OSBPL6: variants seen among roughly 807,000 people sequenced by gnomAD.
OSBPL6 encodes the protein oxysterol binding protein like 6, also known as oxysterol-binding protein-related protein 6.
In OSBPL6, 49 loss-of-function variants were observed where a neutral mutation model predicts 125.8. That is an observed-to-expected ratio of 0.39 (90% confidence interval 0.31 to 0.49). The LOEUF is 0.49. OSBPL6 is among the 20% of genes least tolerant of loss of function. OSBPL6 has a pLI of 0.88. For missense variants in OSBPL6, 986 were observed against 1,135.4 expected (o/e 0.87, Z 1.89); for synonymous variants, 394 against 391.8 (o/e 1.01, Z -0.07).
chr2:178,305,131 T>C (rs1271474819), intron 2 of OSBPL6, among the ~76,000 whole-genome samples: 2 of 152,236 alleles, frequency 1.3e-5, no homozygotes, highest in African/African-American at 4.8e-5. Flanking sequence ...CAAGAAGATA[T>C]TAGCATTAAG....
chr2:178,387,949 A>G (rs1695086732), intron 20 of OSBPL6, among the ~76,000 whole-genome samples: 1 of 152,026 alleles, frequency 6.6e-6, no homozygotes, highest in Non-Finnish European at 1.5e-5. Flanking sequence ...GATTGCAGTG[A>G]GCCGAGATTG....
chr2:178,319,055 A>G (rs894868300), intron 3 of OSBPL6, among the ~76,000 whole-genome samples: 2 of 152,158 alleles, frequency 1.3e-5, no homozygotes, highest in African/African-American at 4.8e-5. Flanking sequence ...GAAAGAGGTT[A>G]ATGGTTTGTC....
intron 1 of OSBPL6, among the ~76,000 whole-genome samples, chr2:178,203,560 G>C (rs548243307): frequency 6.6e-6 from 1 of 152,166 alleles, no homozygotes; most frequent in South Asian, 2.1e-4. Context: ...TGACAGCTCT[G>C]GGTCAGGATC....
At chr2:178,367,589 G>A (rs950799823) in intron 13 of OSBPL6, among the ~76,000 whole-genome samples, 1 of 152,122 alleles carries the variant, frequency 6.6e-6, no homozygotes, top group Non-Finnish European at 1.5e-5. Context: ...TACCTGCCAG[G>A]GTTGATGAAT....
At chr2:178,329,065 G>A (rs1688960403) in intron 5 of OSBPL6, among the ~76,000 whole-genome samples, 4 of 152,186 alleles carry the variant, frequency 2.6e-5, no homozygotes, top group Admixed American at 2.0e-4. Context: ...CTAATTCCCT[G>A]TTGCTGGATA....
At chr2:178,232,083 C>T (rs1394913832) in intron 1 of OSBPL6, among the ~76,000 whole-genome samples, 1 of 152,074 alleles carries the variant, frequency 6.6e-6, no homozygotes, top group Non-Finnish European at 1.5e-5. Flanking sequence ...ACAATAATAT[C>T]TTTTCTCACT....
intron 2 of OSBPL6, among the ~76,000 whole-genome samples, chr2:178,289,089 C>T (rs1684998550): frequency 7.0e-6 from 1 of 143,174 alleles, no homozygotes. Context: ...GCAATATTGG[C>T]TCCCTGCAAC....
At chr2:178,355,781 C>CA (rs1357307092) in intron 12 of OSBPL6, among the ~76,000 whole-genome samples, 1 of 117,686 alleles carries the variant, frequency 8.5e-6, no homozygotes, top group Non-Finnish European at 1.9e-5. Flanking sequence ...AGAGACACAA[C>CA]AAAAAAAGAG....
intron 2 of OSBPL6, among the ~76,000 whole-genome samples, chr2:178,298,705 T>G (rs1446024942): frequency 6.8e-6 from 1 of 146,640 alleles, no homozygotes; most frequent in South Asian, 2.2e-4. Flanking sequence ...CTTTTTTTTT[T>G]GTTTTTTTTT....
chr2:178,247,164 A>G (rs1475877287), intron 1 of OSBPL6, among the ~76,000 whole-genome samples: 1 of 152,120 alleles, frequency 6.6e-6, no homozygotes, highest in Non-Finnish European at 1.5e-5. Context: ...TGGGCACCTT[A>G]TAACTTACTG....
intron 12 of OSBPL6, among the ~76,000 whole-genome samples, chr2:178,355,264 CA>C (rs540439592): frequency 6.6e-6 from 1 of 151,794 alleles, no homozygotes; most frequent in Non-Finnish European, 1.5e-5. Context: ...GATAGAGACA[CA>C]AAAAAACCCT....
chr2:178,294,135 A>C (rs1685522966), intron 2 of OSBPL6, among the ~76,000 whole-genome samples: 1 of 152,204 alleles, frequency 6.6e-6, no homozygotes, highest in African/African-American at 2.4e-5. Flanking sequence ...CACCATGTGC[A>C]CATTGACTGC....
chr2:178,199,759 A>G (rs1028036142), intron 1 of OSBPL6, among the ~76,000 whole-genome samples: 2 of 152,186 alleles, frequency 1.3e-5, no homozygotes, highest in Non-Finnish European at 2.9e-5. Flanking sequence ...ATTGATTCGT[A>G]TAAAATTACA....
intron 9 of OSBPL6, among the ~76,000 whole-genome samples, chr2:178,336,761 C>A (rs981138303): frequency 1.4e-4 from 21 of 152,108 alleles, no homozygotes; most frequent in African/African-American, 5.1e-4. Context: ...GATCCTGGGG[C>A]AGTCACACAG....
At chr2:178,265,403 A>G (rs2092201963) in intron 1 of OSBPL6, among the ~76,000 whole-genome samples, 1 of 150,988 alleles carries the variant, frequency 6.6e-6, no homozygotes, top group Admixed American at 6.6e-5. Flanking sequence ...TTGTAGAGAC[A>G]GGATCTCCCT....
At chr2:178,348,224 T>C (rs1690911368) in intron 11 of OSBPL6, among the ~76,000 whole-genome samples, 1 of 152,194 alleles carries the variant, frequency 6.6e-6, no homozygotes, top group Non-Finnish European at 1.5e-5. Context: ...GCACATTCCC[T>C]GTTAGCCAGG....
At chr2:178,288,477 C>T (rs190968292) in intron 2 of OSBPL6, among the ~76,000 whole-genome samples, 14 of 152,138 alleles carry the variant, frequency 9.2e-5, no homozygotes, top group African/African-American at 1.4e-4. Context: ...AAAAATGAGT[C>T]GCCCAAACAC....
intron 13 of OSBPL6, among the ~76,000 whole-genome samples, chr2:178,365,976 C>T (rs1049859751): frequency 3.3e-5 from 5 of 152,058 alleles, no homozygotes; most frequent in African/African-American, 4.8e-5. Context: ...CTGCAACCTC[C>T]GCCTCCTGGG....
chr2:178,321,732 TA>T (rs1307880550), intron 3 of OSBPL6, among the ~76,000 whole-genome samples: 6 of 152,338 alleles, frequency 3.9e-5, no homozygotes, highest in South Asian at 4.1e-4. Flanking sequence ...ACTTTTTCAG[TA>T]ACAAATACAT....
Sources: gnomAD v4.1 joint callset for allele counts (sites outside exome capture counted in the v4.1 genomes callset) on GRCh38, gnomAD v4.1.1 for gene constraint, MANE v1.5 for transcripts, NCBI Gene and HGNC (gene_info 2026-07-23, HGNC 2026-07-21) for gene names.